The following CACNA1E variants were observed in gnomAD, a reference collection of about 807,000 sequenced individuals.
The protein encoded by CACNA1E is calcium voltage-gated channel subunit alpha1 E.
In CACNA1E, 40 loss-of-function variants were observed where a neutral mutation model predicts 259.2. That is an observed-to-expected ratio of 0.15 (90% CI 0.12 to 0.20). The LOEUF (loss-of-function observed/expected upper bound fraction) is 0.20, where lower values mean the gene tolerates loss of function less well. Among genes scored for constraint, CACNA1E ranks in the 10% least tolerant of loss-of-function variants. CACNA1E has a pLI of 1.00. For synonymous variants in CACNA1E, 1,104 were observed against 1,138.5 expected, an observed-to-expected ratio of 0.97 and a Z score of 0.61; for missense variants, 1,874 against 3,040.1, an observed-to-expected ratio of 0.62 and a Z score of 9.02.
In CACNA1E at chr1:181,715,936, A is replaced by AG. The variant is rs1042852364; in HGVS notation, c.1226-100dup. On this transcript the variant is annotated intron_variant, in intron 9 of 47. Coordinates refer to ENST00000367573, the MANE Select transcript of CACNA1E (RefSeq NM_001205293.3). ...AAAGGCAGATAGATGCCTGTGTTAC[A>AG]GGGGCCTCACACAAGGCATCTTGCC... The AG allele has an allele frequency of 2.7e-5, 19 of 714,576 alleles. No individual in the cohort carries two copies. The African/African-American group carries it at 3.3e-4, about 13-fold the overall frequency. The allele number at this position is 714,576 out of a possible 1,614,324, so 44.3% of individuals were successfully genotyped here.
intron 3 of CACNA1E, among the ~76,000 whole-genome samples, chr1:181,525,707 A>T (rs1170873338): frequency 1.3e-5 from 2 of 152,228 alleles, no homozygotes; most frequent in African/African-American, 4.8e-5. Flanking sequence ...TCAGAATTTT[A>T]GTTATGAACT....
intron 1 of CACNA1E, among the ~76,000 whole-genome samples, chr1:181,382,043 G>C (rs1232430405): frequency 6.6e-6 from 1 of 152,218 alleles, no homozygotes; most frequent in East Asian, 1.9e-4. Flanking sequence ...TGGAGCAAGG[G>C]AAGAGAAGCC....
chr1:181,534,338 A>C (rs1044885699), intron 3 of CACNA1E, among the ~76,000 whole-genome samples: 4 of 152,158 alleles, frequency 2.6e-5, no homozygotes, highest in African/African-American at 9.6e-5. Context: ...CTGAGTTAAA[A>C]GTTTAGTACT....
In CACNA1E at chr1:181,778,718, A is replaced by G. The variant is rs546092072; in HGVS notation, c.5267+2490A>G. Among the ~76,000 whole-genome samples the G allele has an allele frequency of 3.2e-3, 486 of 152,316 alleles. 4 individuals carry two copies. Among genetic ancestry groups the G allele is most frequent in the African/African-American group, 0.011 (478 of 41,576 alleles). ...GATAGCTAGAATTCTGGCTGGCTCC[A>G]GCCAAGCTGCTGTTGGCTGAGTGGC... On this transcript the variant is annotated intron_variant, in intron 38 of 47. Transcript: ENST00000367573.
chr1:181,450,397 G>A (rs1661077385), intron 2 of CACNA1E, among the ~76,000 whole-genome samples: 1 of 149,882 alleles, frequency 6.7e-6, no homozygotes, highest in East Asian at 2.0e-4. Context: ...TAAAAACAAA[G>A]TGGAGATTTT....
At chr1:181,496,162 T>A (rs186995391) in intron 1 of CACNA1E, among the ~76,000 whole-genome samples, 1 of 152,366 alleles carries the variant, frequency 6.6e-6, no homozygotes, top group East Asian at 1.9e-4. Context: ...CATCAAAACC[T>A]GTTTCCTTTA....
At chr1:181,439,333 ATTT>A (rs10708641) in intron 2 of CACNA1E, among the ~76,000 whole-genome samples, 4 of 147,926 alleles carry the variant, frequency 2.7e-5, no homozygotes, top group African/African-American at 7.4e-5. Context: ...CCAAATTTAG[ATTT>A]TTTTTTTTTT....
upstream of CACNA1E, among the ~76,000 whole-genome samples, chr1:181,482,744 G>A (rs931185062): frequency 1.3e-5 from 2 of 152,278 alleles, no homozygotes; most frequent in African/African-American, 2.4e-5. Flanking sequence ...AGGAAGTTCG[G>A]TCTGTGGACA....
At chr1:181,402,639 G>T (rs1657184675) in intron 1 of CACNA1E, among the ~76,000 whole-genome samples, 1 of 152,138 alleles carries the variant, frequency 6.6e-6, no homozygotes, top group Non-Finnish European at 1.5e-5. Context: ...TCCTCTACAT[G>T]GACCTGCATA....
intron 1 of CACNA1E, among the ~76,000 whole-genome samples, chr1:181,494,557 A>G (rs1394420775): frequency 2.0e-5 from 3 of 152,212 alleles, no homozygotes; most frequent in African/African-American, 7.2e-5. Flanking sequence ...AGAACAAAGA[A>G]CTAACATTCA....
At chr1:181,738,133 G>A (rs1310057375) in intron 23 of CACNA1E, among the ~76,000 whole-genome samples, 1 of 152,238 alleles carries the variant, frequency 6.6e-6, no homozygotes, top group Admixed American at 6.5e-5. Flanking sequence ...ACGAGAGGGA[G>A]CAGCCAAGGA....
intron 11 of CACNA1E, 98 bp from the exon 12 acceptor site, chr1:181,717,957 G>A: frequency 1.5e-6 from 1 of 654,432 alleles, no homozygotes; most frequent in Non-Finnish European, 2.8e-6. Context: ...GTCCTGACGT[G>A]TGTTGTTGTG....
chr1:181,386,904 G>C (rs1655892519), intron 1 of CACNA1E, among the ~76,000 whole-genome samples: 1 of 152,212 alleles, frequency 6.6e-6, no homozygotes, highest in African/African-American at 2.4e-5. Context: ...CACACGCTTT[G>C]AGTGGGGACC....
At chr1:181,771,561 G>A (rs746255057) in intron 36 of CACNA1E, 177 bp downstream of exon 36, 3 of 587,918 alleles carry the variant, frequency 5.1e-6, no homozygotes, top group Admixed American at 5.9e-5. Context: ...AGACAGTTTT[G>A]TCTTGTCTAC....
chr1:181,789,959 A>T (rs762735401), intron 43 of CACNA1E, among the ~76,000 whole-genome samples: 10 of 152,236 alleles, frequency 6.6e-5, no homozygotes, highest in Admixed American at 2.0e-4. Context: ...TAGTCCTTCA[A>T]TAAATGGCAA....
intron 3 of CACNA1E, among the ~76,000 whole-genome samples, chr1:181,564,580 T>A (rs1056074879): frequency 6.6e-6 from 1 of 152,184 alleles, no homozygotes; most frequent in Non-Finnish European, 1.5e-5. Flanking sequence ...CAAATTCTTG[T>A]TTATGTTGGT....
chr1:181,355,636 C>A (rs1178189423), intron 1 of CACNA1E, among the ~76,000 whole-genome samples: 1 of 150,598 alleles, frequency 6.6e-6, no homozygotes, highest in African/African-American at 2.4e-5. Context: ...CAAAACAAAC[C>A]AGACAATGAG....
At chr1:181,525,035 G>A (rs906603429) in intron 3 of CACNA1E, among the ~76,000 whole-genome samples, 3 of 152,312 alleles carry the variant, frequency 2.0e-5, no homozygotes, top group Admixed American at 6.5e-5. Context: ...AAGTATTGAG[G>A]CTAGAAAGAT....
chr1:181,576,278 A>G (rs774408056), intron 3 of CACNA1E, among the ~76,000 whole-genome samples: 3 of 152,234 alleles, frequency 2.0e-5, no homozygotes, highest in Non-Finnish European at 4.4e-5. Flanking sequence ...CCTTTACCCC[A>G]TGTAGGATCC....
Sources: gnomAD v4.1 joint callset for allele counts (sites outside exome capture counted in the v4.1 genomes callset) on GRCh38, gnomAD v4.1.1 for gene constraint, MANE v1.5 for transcripts, NCBI Gene and HGNC (gene_info 2026-07-23, HGNC 2026-07-21) for gene names.